Variants in FARP2 observed in about 807,000 individuals in gnomAD.
FARP2 encodes the protein FERM, ARHGEF and pleckstrin domain-containing protein 2.
Under a neutral mutation model 130.5 loss-of-function variants are expected in FARP2, and 111 were observed. That is an observed-to-expected ratio of 0.85 (90% CI 0.73 to 1.00). FARP2 has a LOEUF of 1.00. Among genes scored for constraint, FARP2 ranks in the 50% least tolerant of loss-of-function variants. The pLI is 0.00. For missense variants in FARP2, 1,385 were observed against 1,346.3 expected (o/e 1.03, Z -0.45); for synonymous variants, 504 against 516.9 (o/e 0.98, Z 0.34).
At position 241,466,695 on chromosome 2, in the gene FARP2, C is replaced by A. The variant is rs994510468; in HGVS notation, c.1894-1445C>A. The A allele has an allele frequency of 7.4e-5, 50 of 678,042 alleles. No individual in the cohort carries two copies. In the Admixed American group the frequency reaches 2.0e-3, roughly 28 times the overall value. The allele number at this position is 678,042 out of a possible 1,614,324, so 42.0% of individuals were successfully genotyped here. ...CTTCACTCCCCTTCCAACCACCCCC[C>A]CCCCCACCACCACCACCCGTACCCT... is the stretch of plus-strand genomic sequence containing the variant. On this transcript the variant is annotated intron_variant, in intron 17 of 26. Transcript: ENST00000264042.
chr2:241,427,496 TG>T (rs893053270), intron 8 of FARP2, among the ~76,000 whole-genome samples: 3 of 152,090 alleles, frequency 2.0e-5, no homozygotes, highest in Admixed American at 2.0e-4. Context: ...CTACAAAAAT[TG>T]TAGGTTTTTT....
chr2:241,465,525 AGGGGCAGCACTGG>A, intron 17 of FARP2: 2 of 1,550,604 alleles, frequency 1.3e-6, no homozygotes. Context: ...TTGGATAGGC[AGGGGCAGCACTGG>A]GGGAAGTGAG....
At chr2:241,430,282 G>A (rs1225325660) in intron 8 of FARP2, among the ~76,000 whole-genome samples, 2 of 152,084 alleles carry the variant, frequency 1.3e-5, no homozygotes, top group African/African-American at 2.4e-5. Context: ...GACATGCCAG[G>A]CTTGTTTTGT....
At chr2:241,362,173 A>C (rs1433691260) in intron 1 of FARP2, among the ~76,000 whole-genome samples, 1 of 152,202 alleles carries the variant, frequency 6.6e-6, no homozygotes, top group Non-Finnish European at 1.5e-5. Context: ...CTGGGATTAC[A>C]GGTGTGAGCC....
intron 5 of FARP2, among the ~76,000 whole-genome samples, chr2:241,408,621 G>A (rs903398626): frequency 6.6e-6 from 1 of 151,506 alleles, no homozygotes; most frequent in African/African-American, 2.4e-5. Context: ...TGTATTTTTT[G>A]TATTTGTTCA....
chr2:241,492,092 G>A (rs964890298), intron 24 of FARP2, among the ~76,000 whole-genome samples: 4 of 152,160 alleles, frequency 2.6e-5, no homozygotes, highest in East Asian at 1.9e-4. Context: ...GCATGGGCCC[G>A]GTCTGCCATT....
rs767823136 is a variant in FARP2, at chr2:241,403,831, A to G, written c.187A>G (p.Lys63Glu). 71 of 1,607,788 alleles carry G rather than the reference A, an allele frequency of 4.4e-5. No homozygotes were observed. The highest frequency in any genetic ancestry group is 6.7e-5 in the Admixed American group (4 of 59,974). Residue 63 changes from lysine to glutamate, a missense_variant, in exon 3 of 27, where the codon AAA becomes GAA. By Grantham distance (56) the Lys-to-Glu change is moderately conservative. Coordinates refer to ENST00000264042, the MANE Select transcript of FARP2 (RefSeq NM_014808.4). Reference sequence around the variant, plus strand: ...TTTCCCATCTCTCTCTGCACAGCCTAAATGCGATGGCCAGGTATTACTGAC... The same window carrying G: ...TTTCCCATCTCTCTCTGCACAGCCTGAATGCGATGGCCAGGTATTACTGAC... ...NTMEIFDIEP[K>E]CDGQVLLTQV...
At chr2:241,437,386 A>G (rs551646523) in intron 12 of FARP2, among the ~76,000 whole-genome samples, 35 of 152,336 alleles carry the variant, frequency 2.3e-4, no homozygotes, top group Non-Finnish European at 4.7e-4. Context: ...TTTCAGGTCT[A>G]CTTCACTACA....
At chr2:241,386,897 G>T (rs537447261) in intron 2 of FARP2, 9 of 152,262 alleles carry the variant, frequency 5.9e-5, no homozygotes, top group Non-Finnish European at 1.2e-4. Flanking sequence ...TCCTTTTATT[G>T]TCTCACTTGT....
chr2:241,447,013 T>C (rs912649084), intron 13 of FARP2: 3 of 152,222 alleles, frequency 2.0e-5, no homozygotes, highest in Non-Finnish European at 4.4e-5. Context: ...AAAGAGACAT[T>C]TTTGTTGTCT....
intron 18 of FARP2, among the ~76,000 whole-genome samples, chr2:241,472,450 TGGGGACCCTGTTCTGA>T (rs1197535523): frequency 5.4e-5 from 8 of 148,640 alleles, no homozygotes; most frequent in Admixed American, 2.7e-4. Context: ...TTCTTTTCTG[TGGGGACCCTGTTCTGA>T]GGGGACCCTG....
chr2:241,484,553 T>A (rs1037800965), intron 21 of FARP2, among the ~76,000 whole-genome samples: 1 of 152,216 alleles, frequency 6.6e-6, no homozygotes, highest in Admixed American at 6.5e-5. Flanking sequence ...CTGTCTCTAG[T>A]CCATGGTTCC....
chr2:241,458,547 C>T lies in FARP2; in HGVS notation c.1587+1625C>T, dbSNP rs947419998. Reference sequence around the variant, plus strand: ...TCTGGAGGCAGCAAAGGATATTAAACGTACTGCTGCACGAGGCCTGCAAGT... The same window carrying T: ...TCTGGAGGCAGCAAAGGATATTAAATGTACTGCTGCACGAGGCCTGCAAGT... On this transcript the variant is annotated intron_variant, in intron 14 of 26. Transcript: ENST00000264042. Among the ~76,000 whole-genome samples the T allele has an allele frequency of 2.0e-5, 3 of 152,140 alleles. 1 individual carries two copies. Among genetic ancestry groups the T allele is most frequent in the East Asian group, 3.9e-4 (2 of 5,186 alleles).
At chr2:241,435,808 G>T (rs2063212700) in intron 11 of FARP2, among the ~76,000 whole-genome samples, 1 of 151,006 alleles carries the variant, frequency 6.6e-6, no homozygotes, top group East Asian at 1.9e-4. Context: ...ACTGCCCCCG[G>T]CCTGTAATAT....
At chr2:241,426,958 G>A (rs1043609564) in intron 8 of FARP2, among the ~76,000 whole-genome samples, 2 of 152,148 alleles carry the variant, frequency 1.3e-5, no homozygotes, top group Admixed American at 6.5e-5. Flanking sequence ...ATACAGGCTG[G>A]GCGCGGTGGC....
At chr2:241,409,014 A>T (rs2062440352) in intron 5 of FARP2, among the ~76,000 whole-genome samples, 1 of 147,966 alleles carries the variant, frequency 6.8e-6, no homozygotes, top group Non-Finnish European at 1.5e-5. Flanking sequence ...ATCACTTTTA[A>T]ATAGAGATAG....
At chr2:241,382,874 T>G (rs1479878325) in intron 2 of FARP2, among the ~76,000 whole-genome samples, 2 of 152,262 alleles carry the variant, frequency 1.3e-5, no homozygotes, top group Non-Finnish European at 2.9e-5. Context: ...TTTTATTTTT[T>G]GTTTTGTGCA....
At position 241,492,974 on chromosome 2, in the gene FARP2, G is replaced by A. The variant is rs1352087147; in HGVS notation, c.2833G>A (p.Gly945Ser). 1 of 1,613,170 alleles carries A rather than the reference G, an allele frequency of 6.2e-7. No homozygotes were observed. The highest frequency in any genetic ancestry group is 1.3e-5 in the African/African-American group (1 of 74,906). The change falls in exon 25 of 27, where the codon GGC becomes AGC. Residue 945 changes from glycine to serine, a missense_variant. Coordinates refer to ENST00000264042, the MANE Select transcript of FARP2 (RefSeq NM_014808.4). ...GCTAAGAAAGTTCAAAAACAGTCAT[G>A]GCTGGCAGAAGCTCTGGGTCGTCTT... ...YLLRKFKNSH[G>S]WQKLWVVFTN...
intron 2 of FARP2, among the ~76,000 whole-genome samples, chr2:241,397,189 C>T (rs1036629818): frequency 2.6e-5 from 4 of 151,852 alleles, no homozygotes; most frequent in African/African-American, 7.3e-5. Context: ...TGTTGTGCGG[C>T]GAGGGGAGGG....
Sources: allele counts gnomAD v4.1 joint callset (sites outside exome capture counted in the v4.1 genomes callset), GRCh38; gene constraint gnomAD v4.1.1; transcripts MANE v1.5; gene names NCBI Gene and HGNC (gene_info 2026-07-23, HGNC 2026-07-21).